The following PPP2R5C variants were observed in gnomAD, a reference collection of about 807,000 sequenced individuals.
The protein encoded by PPP2R5C is serine/threonine-protein phosphatase 2A 56 kDa regulatory subunit gamma isoform.
Under a neutral mutation model 68.9 loss-of-function variants are expected in PPP2R5C, and 7 were observed. That is an observed-to-expected ratio of 0.10 (90% CI 0.06 to 0.19). The LOEUF (loss-of-function observed/expected upper bound fraction) is 0.19. PPP2R5C is among the 10% of genes least tolerant of loss of function. PPP2R5C has a pLI of 1.00. For missense variants in PPP2R5C, 348 were observed against 641.3 expected (o/e 0.54, Z 4.94); for synonymous variants, 210 against 222.2 (o/e 0.95, Z 0.49).
chr14:101,923,534 G>A (rs181481998), intron 13 of PPP2R5C, among the ~76,000 whole-genome samples: 35 of 152,240 alleles, frequency 2.3e-4, no homozygotes, highest in Admixed American at 2.0e-3. Flanking sequence ...ACGTTAACAC[G>A]CTCTTACAAG....
intron 9 of PPP2R5C, among the ~76,000 whole-genome samples, chr14:101,902,622 G>A (rs550636049): frequency 6.6e-6 from 1 of 152,314 alleles, no homozygotes; most frequent in African/African-American, 2.4e-5. Context: ...GGAAGAGAGT[G>A]ACCATGTCAC....
intron 2 of PPP2R5C, among the ~76,000 whole-genome samples, chr14:101,873,573 C>T (rs1023731525): frequency 1.3e-5 from 2 of 152,050 alleles, no homozygotes; most frequent in Non-Finnish European, 2.9e-5. Flanking sequence ...TGTTCCCAGC[C>T]CCGAACAAGT....
intron 1 of PPP2R5C, among the ~76,000 whole-genome samples, chr14:101,812,765 T>C (rs2030561225): frequency 6.6e-6 from 1 of 152,184 alleles, no homozygotes; most frequent in African/African-American, 2.4e-5. Flanking sequence ...CTAATGTGGA[T>C]ATGAGCAGGG....
At chr14:101,828,154 A>T (rs578082884) in intron 1 of PPP2R5C, among the ~76,000 whole-genome samples, 42 of 152,200 alleles carry the variant, frequency 2.8e-4, no homozygotes, top group Admixed American at 7.8e-4. Context: ...CTCAAAGCCC[A>T]TTTTTTTATT....
chr14:101,831,802 T>A (rs1473078406), intron 1 of PPP2R5C: 3 of 701,308 alleles, frequency 4.3e-6, no homozygotes, highest in Non-Finnish European at 7.8e-6. Context: ...TGCGTGGATT[T>A]GGGTAAGCGT....
At chr14:101,828,883 T>C (rs2040561834) in intron 1 of PPP2R5C, among the ~76,000 whole-genome samples, 1 of 152,174 alleles carries the variant, frequency 6.6e-6, no homozygotes, top group Non-Finnish European at 1.5e-5. Flanking sequence ...TTCATTATGC[T>C]GGCCAGGCTG....
chr14:101,778,578 T>C (rs1416565318), intron 2 of PPP2R5C, among the ~76,000 whole-genome samples: 1 of 152,214 alleles, frequency 6.6e-6, no homozygotes, highest in Non-Finnish European at 1.5e-5. Flanking sequence ...ATCGTTTTTT[T>C]CCTGTGGTGT....
rs2044676833 is a variant in PPP2R5C at position 101,888,748 on chromosome 14, T to C, written c.630-1489T>C. 6.6e-6 allele frequency among the ~76,000 whole-genome samples: 1 copy of C among 152,138 alleles called. No homozygotes were observed. The highest frequency in any genetic ancestry group is 2.4e-5 in the African/African-American group (1 of 41,442). The stretch of plus-strand genomic sequence containing the variant: ...GTGGGATTACAGGCATGTGCCACCA[T>C]GCCCGGCTAATTTTTATATATTTAG... On this transcript the variant is annotated intron_variant, in intron 5 of 13. Transcript: ENST00000334743. The surrounding 1 kb of genome is among the most constrained non-coding windows in gnomAD (Gnocchi z 5.6).
intron 2 of PPP2R5C, among the ~76,000 whole-genome samples, chr14:101,863,495 G>A (rs1005223476): frequency 2.6e-5 from 4 of 152,104 alleles, no homozygotes; most frequent in South Asian, 4.1e-4. Context: ...ATTTGCAACC[G>A]TTTTGAGGAG....
chr14:101,913,375 A>G lies in PPP2R5C; in HGVS notation c.1326+902A>G, dbSNP rs2046493654. ...TCTCTGACACTTAATAAAAAGTTAT[A>G]CATGAATATAAAGTTAAAAGTATAT... On this transcript the variant is annotated intron_variant, in intron 12 of 13. Coordinates refer to ENST00000334743, the Ensembl canonical transcript of PPP2R5C. The surrounding 1 kb of genome is among the most constrained non-coding windows in gnomAD (Gnocchi z 4.1). Among the ~76,000 whole-genome samples, 1 of 152,252 alleles carries G rather than the reference A, an allele frequency of 6.6e-6. No individual in the cohort carries two copies. The highest frequency in any genetic ancestry group is 1.5e-5 in the Non-Finnish European group (1 of 68,050).
rs1404158183 is a variant in PPP2R5C at position 101,906,757 on chromosome 14, A to G, written c.1151+228A>G. 8.0e-6 allele frequency: 4 copies of G among 498,568 alleles called. No homozygotes were observed. Among genetic ancestry groups the G allele is most frequent in the East Asian group, 3.8e-5 (1 of 26,622 alleles). 30.9% of individuals were successfully genotyped at this position (498,568 alleles called of 1,614,324 possible). On this transcript the variant is annotated intron_variant, in intron 10 of 13. Coordinates refer to ENST00000334743, the Ensembl canonical transcript of PPP2R5C. This position sits in a 1 kb window ranked among gnomAD's most constrained non-coding sequence, Gnocchi z 4.0. ...CCAGTATAGAGGCACATTGGTTTGC[A>G]GCCACCTCCCAGTAGCAGCAGTTTC... is the stretch of plus-strand genomic sequence containing the variant.
rs1226965991 is a variant in PPP2R5C, at chr14:101,781,746, C to G, written c.94-4272C>G. Among the ~76,000 whole-genome samples the G allele has an allele frequency of 6.6e-6, 1 of 151,994 alleles. No individual in the cohort carries two copies. Among genetic ancestry groups the G allele is most frequent in the East Asian group, 1.9e-4 (1 of 5,136 alleles). The stretch of plus-strand genomic sequence containing the variant: ...CACCCGGGGAAGAAGCGGAGGACGC[C>G]GATCTGGCCTCCTGCGTTGCGCGCT... On this transcript the variant is annotated intron_variant, in intron 2 of 14. Coordinates refer to the PPP2R5C transcript ENST00000328724. The surrounding 1 kb of genome is among the most constrained non-coding windows in gnomAD (Gnocchi z 6.4).
intron 1 of PPP2R5C, among the ~76,000 whole-genome samples, chr14:101,826,510 G>C (rs553855747): frequency 3.3e-5 from 5 of 152,302 alleles, no homozygotes; most frequent in Non-Finnish European, 7.4e-5. Flanking sequence ...CCTTATGTCT[G>C]TACCACACTG....
In PPP2R5C at chr14:101,852,317, A is replaced by T. The variant is rs1191045829; in HGVS notation, c.95-4369A>T. ...GACTGTTGGGACCAGGAGCATGTAT[A>T]AAGCTAGACAGGAATGCTCCCAGCC... On this transcript the variant is annotated intron_variant, in intron 1 of 13. Coordinates refer to ENST00000334743, the Ensembl canonical transcript of PPP2R5C. Among the ~76,000 whole-genome samples, 3 of 152,198 alleles carry T rather than the reference A, an allele frequency of 2.0e-5. No homozygotes were observed. In the East Asian group the frequency reaches 5.8e-4, roughly 29 times the overall value.
At chr14:101,760,973 G>A (rs1196007339), upstream of PPP2R5C, among the ~76,000 whole-genome samples, 1 of 96,262 alleles carries the variant, frequency 1.0e-5, no homozygotes, top group Non-Finnish European at 2.1e-5. Flanking sequence ...TCGAGGGGAG[G>A]GGAGGGGAGG....
At chr14:101,900,418 C>CG (rs1030421595) in intron 8 of PPP2R5C, among the ~76,000 whole-genome samples, 1 of 152,176 alleles carries the variant, frequency 6.6e-6, no homozygotes, top group Non-Finnish European at 1.5e-5. Flanking sequence ...CAGGCGGTCC[C>CG]GGGGGCCAGC....
chr14:101,868,435 C>T (rs1374517430), intron 2 of PPP2R5C, among the ~76,000 whole-genome samples: 3 of 152,192 alleles, frequency 2.0e-5, no homozygotes, highest in African/African-American at 7.2e-5. Flanking sequence ...CACCCCTCCC[C>T]AGTTCTACCC....
rs541231875 is a variant in PPP2R5C at position 101,875,713 on chromosome 14, G to A, written c.295-6448G>A. On this transcript the variant is annotated intron_variant, in intron 2 of 13. Transcript: ENST00000334743. ...TATCTCCCTTTAAGACTGCTACTAC[G>A]ATTTTTACTATTCTACCTAAATTTT... Among the ~76,000 whole-genome samples, 97 of 152,290 alleles carry A rather than the reference G, an allele frequency of 6.4e-4. No homozygotes were observed. In the South Asian group the frequency reaches 0.01, roughly 16 times the overall value.
intron 11 of PPP2R5C, among the ~76,000 whole-genome samples, chr14:101,911,378 A>G (rs965692243): frequency 2.4e-4 from 36 of 152,334 alleles, no homozygotes; most frequent in African/African-American, 8.7e-4. Flanking sequence ...AGAGATGACA[A>G]GTCAGTCAGG....
Sources: gnomAD v4.1 joint callset for allele counts (sites outside exome capture counted in the v4.1 genomes callset) on GRCh38, gnomAD v4.1.1 for gene constraint, Gnocchi (gnomAD v3.1) non-coding constraint, MANE v1.5 for transcripts, NCBI Gene and HGNC (gene_info 2026-07-23, HGNC 2026-07-21) for gene names.